MCTP1: variants seen among roughly 807,000 people sequenced by gnomAD.
The protein encoded by MCTP1 is multiple C2 and transmembrane domain containing 1.
In MCTP1, 69 loss-of-function variants were observed where a neutral mutation model predicts 120.6. The ratio of observed to expected loss-of-function variants is 0.57; its 90% CI spans 0.47 to 0.70. The LOEUF is 0.70. Among genes scored for constraint, MCTP1 ranks in the 30% least tolerant of loss-of-function variants. The pLI is 0.00. For missense variants in MCTP1, 1,203 were observed against 1,248.8 expected (o/e 0.96, Z 0.55); for synonymous variants, 529 against 493.1 (o/e 1.07, Z -0.96).
intron 1 of MCTP1, among the ~76,000 whole-genome samples, chr5:95,199,658 G>A (rs915955725): frequency 7.2e-5 from 11 of 152,144 alleles, no homozygotes; most frequent in South Asian, 4.1e-4. Context: ...AGGGGGTCAA[G>A]ACCAGCCTGG....
At chr5:95,058,677 G>T (rs562223194) in intron 1 of MCTP1, among the ~76,000 whole-genome samples, 7 of 152,142 alleles carry the variant, frequency 4.6e-5, no homozygotes, top group African/African-American at 7.2e-5. Flanking sequence ...TATGGATAAA[G>T]GTGTCCATGG....
rs5869668 is a variant in MCTP1 at position 95,039,003 on chromosome 5, G to GT, written c.721-21520dup. Among the ~76,000 whole-genome samples the GT allele has an allele frequency of 4.3e-3, 631 of 147,706 alleles. 2 individuals are homozygous for GT. The highest frequency in any genetic ancestry group is 0.011 in the African/African-American group (443 of 40,528). ...AAAGAAAAGAAAGCAGGTTCTGGTA[G>GT]TTTTTTTTTTTCTCTTCAAATCCAT... On this transcript the variant is annotated intron_variant, in intron 1 of 22. Coordinates refer to ENST00000515393, the MANE Select transcript of MCTP1 (RefSeq NM_024717.7).
At chr5:94,922,718 C>T (rs183841941) in intron 7 of MCTP1, among the ~76,000 whole-genome samples, 18 of 152,202 alleles carry the variant, frequency 1.2e-4, no homozygotes, top group African/African-American at 4.3e-4. Context: ...CAACTCCTGA[C>T]CTCAGGTGAT....
intron 1 of MCTP1, among the ~76,000 whole-genome samples, chr5:95,165,285 C>A (rs778627566): frequency 4.6e-5 from 7 of 152,188 alleles, no homozygotes; most frequent in Non-Finnish European, 7.3e-5. Flanking sequence ...GCAAAAACTG[C>A]AATTACTTTT....
At chr5:94,739,645 G>A (rs537103841) in intron 19 of MCTP1, among the ~76,000 whole-genome samples, 3 of 152,178 alleles carry the variant, frequency 2.0e-5, no homozygotes, top group Non-Finnish European at 4.4e-5. Context: ...TTTGGAATAA[G>A]GTTTAAGGTA....
At chr5:95,276,251 A>ATTTTTTTTTTT (rs34667866) in intron 1 of MCTP1, among the ~76,000 whole-genome samples, 2 of 84,742 alleles carry the variant, frequency 2.4e-5, no homozygotes, top group Non-Finnish European at 2.1e-5. Flanking sequence ...CAATATTGGG[A>ATTTTTTTTTTT]TTTTTTTTTT....
intron 19 of MCTP1, among the ~76,000 whole-genome samples, chr5:94,738,546 C>T (rs761472463): frequency 7.9e-5 from 12 of 152,192 alleles, no homozygotes; most frequent in Non-Finnish European, 1.6e-4. Flanking sequence ...CTCCACCTCA[C>T]CTCTACCTTG....
chr5:94,988,209 T>C (rs1358742551), intron 2 of MCTP1, among the ~76,000 whole-genome samples: 2 of 152,202 alleles, frequency 1.3e-5, no homozygotes, highest in Non-Finnish European at 2.9e-5. Context: ...TATTTACTCT[T>C]CATGAATACT....
At chr5:94,833,123 G>T (rs544597518) in intron 17 of MCTP1, among the ~76,000 whole-genome samples, 2 of 151,898 alleles carry the variant, frequency 1.3e-5, no homozygotes, top group Non-Finnish European at 2.9e-5. Flanking sequence ...ATAAGCAAAA[G>T]AACACTGGTG....
At chr5:94,918,237 G>A (rs1205966979) in intron 7 of MCTP1, among the ~76,000 whole-genome samples, 1 of 152,168 alleles carries the variant, frequency 6.6e-6, no homozygotes, top group Non-Finnish European at 1.5e-5. Context: ...TATGGTAATA[G>A]AGCCTAATTA....
intron 1 of MCTP1, among the ~76,000 whole-genome samples, chr5:95,138,831 G>C (rs1759667868): frequency 6.6e-6 from 1 of 152,156 alleles, no homozygotes; most frequent in Admixed American, 6.5e-5. Flanking sequence ...CCCGTTAGCT[G>C]GATAGGCAAT....
chr5:95,052,491 G>A (rs1430071641), intron 1 of MCTP1, among the ~76,000 whole-genome samples: 1 of 152,086 alleles, frequency 6.6e-6, no homozygotes, highest in African/African-American at 2.4e-5. Flanking sequence ...GGGATGTAAG[G>A]CTAAAACTCC....
In MCTP1 at chr5:94,773,973, C is replaced by T. The variant is rs1375164517; in HGVS notation, c.2610+5137G>A. Among the ~76,000 whole-genome samples the T allele has an allele frequency of 5.1e-5, 2 of 39,256 alleles. 1 individual carries two copies. Among genetic ancestry groups the T allele is most frequent in the African/African-American group, 2.7e-4 (2 of 7,308 alleles). 25.8% of individuals were successfully genotyped at this position (39,256 alleles called of 152,430 possible). A position where few individuals can be genotyped will look rare whatever the true frequency, so the allele number is the denominator to read the frequency against. Reference sequence around the variant, plus strand: ...CCTGTAATCCCAGCACTTTGGGAGGCCGAGGCGGGCGGATCACGAGGTCAG... The same window carrying T: ...CCTGTAATCCCAGCACTTTGGGAGGTCGAGGCGGGCGGATCACGAGGTCAG... On this transcript the variant is annotated intron_variant, in intron 19 of 22. Transcript: ENST00000515393.
rs1306592141 is a variant in MCTP1, at chr5:94,705,078, T to C, written c.*2418A>G. ...ATACTAAAGGAATATATTTAGTAGTTCACAATATCTATAATAGTTAGCAGT... is the reference window on the plus strand; with the variant it reads ...ATACTAAAGGAATATATTTAGTAGTCCACAATATCTATAATAGTTAGCAGT... On this transcript the variant is annotated 3_prime_UTR_variant, in exon 23 of 23. Transcript: ENST00000515393. The C allele has an allele frequency of 2.6e-5, 4 of 151,602 alleles. No homozygotes were observed. In the East Asian group the frequency reaches 7.8e-4, roughly 30 times the overall value. 9.4% of individuals were successfully genotyped at this position (151,602 alleles called of 1,614,324 possible). A position where few individuals can be genotyped will look rare whatever the true frequency, so the allele number is the denominator to read the frequency against.
intron 1 of MCTP1, among the ~76,000 whole-genome samples, chr5:95,246,466 A>T (rs1756800719): frequency 6.6e-6 from 1 of 152,158 alleles, no homozygotes; most frequent in Non-Finnish European, 1.5e-5. Context: ...AAGATATACC[A>T]AGCAAATGGA....
At chr5:94,996,765 G>A (rs1832704738) in intron 2 of MCTP1, among the ~76,000 whole-genome samples, 1 of 152,052 alleles carries the variant, frequency 6.6e-6, no homozygotes, top group Non-Finnish European at 1.5e-5. Context: ...TCTCTGATGA[G>A]TTTTGATATT....
At chr5:94,826,545 A>G in intron 17 of MCTP1, 7 of 719,552 alleles carry the variant, frequency 9.7e-6, no homozygotes, top group South Asian at 1.4e-5. Context: ...TCATTTTTTC[A>G]TAGAAGCTTC....
chr5:94,826,045 G>A (rs1437865006), intron 17 of MCTP1: 2 of 321,248 alleles, frequency 6.2e-6, no homozygotes, highest in Admixed American at 3.4e-5. Context: ...TCTTCATTCT[G>A]GCTCGTGGAG....
chr5:95,209,473 C>T (rs569403777), intron 1 of MCTP1, among the ~76,000 whole-genome samples: 2 of 152,250 alleles, frequency 1.3e-5, no homozygotes, highest in East Asian at 1.9e-4. Context: ...TATTCCTATA[C>T]TCAAAAACTT....
Sources: allele counts gnomAD v4.1 joint callset (sites outside exome capture counted in the v4.1 genomes callset), GRCh38; gene constraint gnomAD v4.1.1; transcripts MANE v1.5; gene names NCBI Gene and HGNC (gene_info 2026-07-23, HGNC 2026-07-21).